Variants in ATP11A observed in about 807,000 individuals in gnomAD.
ATP11A encodes phospholipid-transporting ATPase IH.
A neutral mutation model predicts 154.4 loss-of-function variants in ATP11A; 81 were observed. The observed-to-expected ratio is 0.52, with a 90% CI of 0.44 to 0.63. ATP11A has a LOEUF of 0.63. Ranked by LOEUF, ATP11A falls within the 30% of genes least tolerant of loss-of-function variation. The probability of loss-of-function intolerance (pLI) is 0.00; values close to 1 mark genes in which losing one functional copy is unlikely to be tolerated. For synonymous variants in ATP11A, 623 were observed against 585.9 expected, an observed-to-expected ratio of 1.06 and a Z score of -0.91; for missense variants, 1,316 against 1,474.3, an observed-to-expected ratio of 0.89 and a Z score of 1.76.
chr13:112,813,972 A>G (rs1296387563), intron 5 of ATP11A, among the ~76,000 whole-genome samples: 1 of 152,100 alleles, frequency 6.6e-6, no homozygotes, highest in African/African-American at 2.4e-5. Context: ...TGTCAGATAT[A>G]TGATTTTTAA....
intron 29 of ATP11A, among the ~76,000 whole-genome samples, chr13:112,879,210 AG>A (rs1353976242): frequency 6.6e-6 from 1 of 152,258 alleles, no homozygotes; most frequent in Admixed American, 6.5e-5. Flanking sequence ...AATGCAGCTT[AG>A]AAAAATGCCC....
intron 1 of ATP11A, among the ~76,000 whole-genome samples, chr13:112,713,667 C>T (rs1377557867): frequency 6.6e-6 from 1 of 152,152 alleles, no homozygotes; most frequent in Non-Finnish European, 1.5e-5. Context: ...GCAGAGTGGA[C>T]ATTTCACTCG....
intron 1 of ATP11A, among the ~76,000 whole-genome samples, chr13:112,692,767 A>G (rs184196995): frequency 5.9e-5 from 9 of 152,266 alleles, no homozygotes; most frequent in Non-Finnish European, 1.2e-4. Flanking sequence ...TTTTAAGTTC[A>G]TGTCTATGGT....
chr13:112,856,268 T>C, intron 20 of ATP11A, 183 bp downstream of exon 20: 1 of 596,322 alleles, frequency 1.7e-6, no homozygotes, highest in Non-Finnish European at 2.8e-6. Context: ...CCAGCTTCTG[T>C]GATTAGTGGG....
intron 1 of ATP11A, among the ~76,000 whole-genome samples, chr13:112,738,136 C>A (rs538564918): frequency 1.3e-5 from 2 of 152,258 alleles, no homozygotes; most frequent in African/African-American, 4.8e-5. Flanking sequence ...CTTTGGGAGG[C>A]TGAGGCAGGC....
Position 112,709,768 on chromosome 13 carries a change from G to A in ATP11A, c.39+19313G>A, listed in dbSNP as rs964890496. On this transcript the variant is annotated intron_variant, in intron 1 of 29. Transcript: ENST00000375645. ...CCTAAAATGTATAAAACCAAGCTGC[G>A]CCCGACCACCTTGGACACATGTTCT... Among the ~76,000 whole-genome samples, 7 of 152,164 alleles carry A rather than the reference G, an allele frequency of 4.6e-5. No individual in the cohort carries two copies. In the South Asian group the frequency reaches 1.0e-3, roughly 23 times the overall value.
In ATP11A at chr13:112,824,430, G is replaced by A; in HGVS notation, c.872+5G>A. The A allele has an allele frequency of 6.2e-7, 1 of 1,613,732 alleles. No homozygotes were observed. On this transcript the variant is annotated splice_donor_5th_base_variant and intron_variant, in intron 10 of 29. Coordinates refer to ENST00000375645, the MANE Select transcript of ATP11A (RefSeq NM_015205.3). Reference sequence around the variant, plus strand: ...GAAGCGATCTGCCGTGGAAAAGTAAGGCTGGATGCGCGTGAGAACCTGCAA... The same window carrying A: ...GAAGCGATCTGCCGTGGAAAAGTAAAGCTGGATGCGCGTGAGAACCTGCAA...
chr13:112,883,742 C>T lies in ATP11A; in HGVS notation c.*1876C>T, dbSNP rs1286492181. 13 of 152,602 alleles carry T rather than the reference C, an allele frequency of 8.5e-5. No homozygotes were observed. The highest frequency in any genetic ancestry group is 7.9e-4 in the Admixed American group (12 of 15,286). The allele number at this position is 152,602 out of a possible 1,614,324, so 9.5% of individuals were successfully genotyped here. On this transcript the variant is annotated 3_prime_UTR_variant, in exon 30 of 30. Transcript: ENST00000375645. ...GGGCCAGCCGCAGGCGTCCCCAGGG[C>T]CACCCTGCCCTGAGGTCCTTGTGTG...
chr13:112,845,952 A>G (rs1464206639), intron 17 of ATP11A, among the ~76,000 whole-genome samples: 3 of 152,216 alleles, frequency 2.0e-5, no homozygotes, highest in Non-Finnish European at 4.4e-5. Context: ...CTGTTGGCAG[A>G]CATTGGGTTG....
Position 112,806,307 on chromosome 13 carries a change from A to G in ATP11A, c.333+14A>G. The G allele has an allele frequency of 6.3e-7, 1 of 1,595,254 alleles. No homozygotes were observed. Among genetic ancestry groups the G allele is most frequent in the Middle Eastern group, 1.7e-4 (1 of 5,994 alleles). On this transcript the variant is annotated intron_variant, in intron 4 of 29. Transcript: ENST00000375645. Reference sequence around the variant, plus strand: ...GCTATCAAACAGGTAAGCATTTTACAGACGAAAAAGAAGCAATCGTCATCT... The same window carrying G: ...GCTATCAAACAGGTAAGCATTTTACGGACGAAAAAGAAGCAATCGTCATCT...
intron 18 of ATP11A, among the ~76,000 whole-genome samples, chr13:112,852,649 C>A (rs2079799841): frequency 6.6e-6 from 1 of 151,986 alleles, no homozygotes; most frequent in Non-Finnish European, 1.5e-5. Flanking sequence ...GCAGCTGGGT[C>A]GATCTTTAGA....
At chr13:112,788,929 A>T (rs1212604029) in intron 2 of ATP11A, among the ~76,000 whole-genome samples, 1 of 151,890 alleles carries the variant, frequency 6.6e-6, no homozygotes, top group Admixed American at 6.5e-5. Context: ...TGATATGTAG[A>T]TCCCTGTGGA....
intron 1 of ATP11A, among the ~76,000 whole-genome samples, chr13:112,734,205 A>G (rs1890774676): frequency 6.6e-6 from 1 of 152,142 alleles, no homozygotes; most frequent in South Asian, 2.1e-4. Context: ...GCCTCCCAGC[A>G]GGATGGACAT....
At chr13:112,727,502 C>T (rs1890005600) in intron 1 of ATP11A, among the ~76,000 whole-genome samples, 1 of 152,134 alleles carries the variant, frequency 6.6e-6, no homozygotes, top group Non-Finnish European at 1.5e-5. Context: ...TTGGTCTTTT[C>T]CTGGTAGGAA....
rs891835551 is a variant in ATP11A, at chr13:112,885,875, C to T, written c.*4009C>T. 6.6e-6 allele frequency: 1 copy of T among 152,306 alleles called. No individual in the cohort carries two copies. Among genetic ancestry groups the T allele is most frequent in the African/African-American group, 2.4e-5 (1 of 41,480 alleles). The allele number at this position is 152,306 out of a possible 1,614,324, so 9.4% of individuals were successfully genotyped here. ...TGTCTGGGCTTTGCAGAGCAGGCCCCGGGGGTGAAGTCGCAGCTTCACTTA... is the reference window on the plus strand; with the variant it reads ...TGTCTGGGCTTTGCAGAGCAGGCCCTGGGGGTGAAGTCGCAGCTTCACTTA... On this transcript the variant is annotated 3_prime_UTR_variant, in exon 30 of 30. Coordinates refer to ENST00000375645, the MANE Select transcript of ATP11A (RefSeq NM_015205.3).
intron 29 of ATP11A, 190 bp from the exon 30 acceptor site, chr13:112,881,686 T>C (rs1479596389): frequency 1.2e-5 from 15 of 1,254,246 alleles, no homozygotes; most frequent in Non-Finnish European, 1.5e-5. Flanking sequence ...GACGAGGGTG[T>C]GTCCTGAGTT....
At chr13:112,700,251 C>G (rs1350820714) in intron 1 of ATP11A, among the ~76,000 whole-genome samples, 3 of 152,294 alleles carry the variant, frequency 2.0e-5, no homozygotes, top group South Asian at 2.1e-4. Context: ...CAAGGCATCT[C>G]TGTCCTTAGC....
chr13:112,741,572 T>C (rs1891549041), intron 1 of ATP11A, among the ~76,000 whole-genome samples: 1 of 152,144 alleles, frequency 6.6e-6, no homozygotes, highest in South Asian at 2.1e-4. Context: ...ACTAGCCAAC[T>C]GGGGCAGGCC....
chr13:112,854,156 A>G, intron 18 of ATP11A, 123 bp from the exon 19 acceptor site: 1 of 1,276,834 alleles, frequency 7.8e-7, no homozygotes, highest in Non-Finnish European at 1.1e-6. Context: ...CACAGTGTGG[A>G]GTGTTTTGAT....
Sources: gnomAD v4.1 joint callset for allele counts (sites outside exome capture counted in the v4.1 genomes callset) on GRCh38, gnomAD v4.1.1 for gene constraint, MANE v1.5 for transcripts, NCBI Gene and HGNC (gene_info 2026-07-23, HGNC 2026-07-21) for gene names.